The following MIB1 variants were observed in gnomAD, a reference collection of about 807,000 sequenced individuals.
The protein encoded by MIB1 is E3 ubiquitin-protein ligase MIB1.
A neutral mutation model predicts 124.5 loss-of-function variants in MIB1; 278 were observed. That is an observed-to-expected ratio of 2.23 (90% CI 2.02 to 2.47). The LOEUF (loss-of-function observed/expected upper bound fraction) is 2.47. Among genes scored for constraint, MIB1 ranks in the 30% most tolerant of loss-of-function variants. The probability of loss-of-function intolerance (pLI) is 0.00; values close to 1 mark genes in which losing one functional copy is unlikely to be tolerated. For missense variants in MIB1, 957 were observed against 1,254.4 expected, an observed-to-expected ratio of 0.76 and a Z score of 3.58; for synonymous variants, 446 against 429.4, an observed-to-expected ratio of 1.04 and a Z score of -0.48.
intron 1 of MIB1, among the ~76,000 whole-genome samples, chr18:21,751,091 G>T (rs1056317141): frequency 2.0e-5 from 3 of 151,868 alleles, no homozygotes; most frequent in African/African-American, 4.8e-5. Flanking sequence ...CCAGCTATTT[G>T]TTGGTGAGGC....
At chr18:21,803,170 T>A (rs879633477) in intron 9 of MIB1, among the ~76,000 whole-genome samples, 1 of 152,256 alleles carries the variant, frequency 6.6e-6, no homozygotes, top group Admixed American at 6.5e-5. Context: ...TTTATCTTTA[T>A]GGATTTTTAC....
chr18:21,738,396 A>G (rs1306446727), upstream of MIB1, among the ~76,000 whole-genome samples: 2 of 152,232 alleles, frequency 1.3e-5, no homozygotes, highest in African/African-American at 4.8e-5. Context: ...ACAAAGACAC[A>G]ATGTACCAGA....
chr18:21,804,659 T>C (rs1211087867), intron 10 of MIB1, among the ~76,000 whole-genome samples: 1 of 152,200 alleles, frequency 6.6e-6, no homozygotes, highest in African/African-American at 2.4e-5. Flanking sequence ...ATCACACTTA[T>C]TTTAGTATAG....
In MIB1 at chr18:21,765,815, A is replaced by G. The variant is rs1480879284; in HGVS notation, c.273A>G (p.Gln91=). The G allele has an allele frequency of 1.9e-6, 3 of 1,614,188 alleles. No individual in the cohort carries two copies. The highest frequency in any genetic ancestry group is 1.3e-5 in the African/African-American group (1 of 75,052). ...CCATGTGTGATACCTGCCGCCAGCAACCAATCATTGGCATTCGATGGAAGT... is the reference window on the plus strand; with the variant it reads ...CCATGTGTGATACCTGCCGCCAGCAGCCAATCATTGGCATTCGATGGAAGT... ...DGTMCDTCRQ[Q]PIIGIRWKCA... The change falls in exon 2 of 21, where the codon CAA becomes CAG. Residue 91 remains glutamine, a synonymous_variant. Transcript: ENST00000261537.
At chr18:21,738,372 T>C (rs942189360), upstream of MIB1, among the ~76,000 whole-genome samples, 5 of 152,150 alleles carry the variant, frequency 3.3e-5, no homozygotes, top group Non-Finnish European at 7.4e-5. Context: ...AGATGTTCTT[T>C]GAAACCAGTG....
intron 6 of MIB1, among the ~76,000 whole-genome samples, chr18:21,783,211 C>T (rs2041390936): frequency 1.3e-5 from 2 of 150,318 alleles, no homozygotes; most frequent in African/African-American, 4.9e-5. Flanking sequence ...GTCATTTAAA[C>T]AATTTTCTTT....
chr18:21,707,422 G>C (rs528561656), intron 1 of MIB1, among the ~76,000 whole-genome samples: 20 of 152,326 alleles, frequency 1.3e-4, no homozygotes, highest in Non-Finnish European at 2.2e-4. Flanking sequence ...CAGGCTGCCC[G>C]AGCCAGCAGA....
chr18:21,851,364 GAATT>G (rs1398089002), intron 17 of MIB1, among the ~76,000 whole-genome samples: 5 of 152,238 alleles, frequency 3.3e-5, no homozygotes, highest in Middle Eastern at 3.4e-3. Flanking sequence ...GTTATTCTGA[GAATT>G]AATAGGCTTG....
At chr18:21,709,710 G>A (rs1238289303) in intron 1 of MIB1, among the ~76,000 whole-genome samples, 1 of 152,190 alleles carries the variant, frequency 6.6e-6, no homozygotes, top group African/African-American at 2.4e-5. Flanking sequence ...TGAAGGTTCA[G>A]ATGCTGGGCA....
chr18:21,771,052 A>G (rs1324575618), intron 3 of MIB1, among the ~76,000 whole-genome samples: 1 of 152,226 alleles, frequency 6.6e-6, no homozygotes, highest in Non-Finnish European at 1.5e-5. Context: ...AGGGGCACAT[A>G]AAGTCTGATT....
chr18:21,804,614 C>T (rs2041684287), intron 10 of MIB1, among the ~76,000 whole-genome samples: 1 of 152,132 alleles, frequency 6.6e-6, no homozygotes, highest in Admixed American at 6.5e-5. Context: ...CTTGCTTTGT[C>T]TTACTTAACT....
intron 3 of MIB1, among the ~76,000 whole-genome samples, chr18:21,771,301 C>A (rs2146414423): frequency 6.6e-6 from 1 of 152,268 alleles, no homozygotes; most frequent in South Asian, 2.1e-4. Context: ...AATGAACTTA[C>A]TTCTATTTCA....
intron 13 of MIB1, among the ~76,000 whole-genome samples, chr18:21,842,796 A>C (rs2042103021): frequency 6.6e-6 from 1 of 152,202 alleles, no homozygotes; most frequent in Non-Finnish European, 1.5e-5. Flanking sequence ...TAGAGTTCTA[A>C]GGAGTTGATT....
intron 1 of MIB1, among the ~76,000 whole-genome samples, chr18:21,735,687 G>C (rs10083968): frequency 2.0e-5 from 3 of 152,154 alleles, no homozygotes; most frequent in East Asian, 1.9e-4. Flanking sequence ...AGCTTGGTCG[G>C]GGGGAGGGGC....
At chr18:21,755,603 C>T (rs2041023115) in intron 1 of MIB1, among the ~76,000 whole-genome samples, 1 of 152,142 alleles carries the variant, frequency 6.6e-6, no homozygotes. Context: ...GCGTGAGCCA[C>T]CGTGCCCGGC....
intron 1 of MIB1, among the ~76,000 whole-genome samples, chr18:21,728,218 C>T (rs917825957): frequency 1.3e-5 from 2 of 152,104 alleles, no homozygotes; most frequent in Non-Finnish European, 2.9e-5. Context: ...CTAGGCTGAG[C>T]GCAGTGGCTC....
chr18:21,733,681 T>C (rs1221853772), intron 1 of MIB1, among the ~76,000 whole-genome samples: 2 of 152,214 alleles, frequency 1.3e-5, no homozygotes, highest in African/African-American at 4.8e-5. Context: ...TAGGCTTTTC[T>C]ACATCATCTC....
chr18:21,780,395 A>C (rs1255914132), intron 6 of MIB1, among the ~76,000 whole-genome samples: 1 of 151,844 alleles, frequency 6.6e-6, no homozygotes, highest in African/African-American at 2.4e-5. Flanking sequence ...CCTTTCTCCT[A>C]CTGTTCCCAG....
intron 1 of MIB1, among the ~76,000 whole-genome samples, chr18:21,710,567 T>C (rs573077866): frequency 1.3e-5 from 2 of 152,232 alleles, no homozygotes; most frequent in Admixed American, 1.3e-4. Flanking sequence ...CTGGGCAATA[T>C]ACTGAGACCT....
Sources: allele counts gnomAD v4.1 joint callset (sites outside exome capture counted in the v4.1 genomes callset), GRCh38; gene constraint gnomAD v4.1.1; transcripts MANE v1.5; gene names NCBI Gene and HGNC (gene_info 2026-07-23, HGNC 2026-07-21).